ZNF586: variants seen among roughly 807,000 people sequenced by gnomAD.
ZNF586 encodes the protein zinc finger protein 586.
ZNF586 carries 7 observed loss-of-function variants against 6.7 expected under a neutral mutation model. The ratio of observed to expected loss-of-function variants is 1.04; its 90% CI spans 0.59 to 1.95. The LOEUF (loss-of-function observed/expected upper bound fraction) is 1.95, where lower values mean the gene tolerates loss of function less well. Among genes scored for constraint, ZNF586 ranks in the 30% most tolerant of loss-of-function variants. The pLI is 0.00. For synonymous variants in ZNF586, 166 were observed against 168.7 expected (o/e 0.98, Z 0.12); for missense variants, 442 against 489.6 (o/e 0.90, Z 0.92).
intron 1 of ZNF586, among the ~76,000 whole-genome samples, chr19:57,773,743 C>T (rs1211961744): frequency 6.6e-6 from 1 of 152,190 alleles, no homozygotes; most frequent in Non-Finnish European, 1.5e-5. Context: ...CAGGCTGGAG[C>T]TTGTGTTTAT....
chr19:57,776,562 A>T lies in ZNF586; in HGVS notation c.56A>T (p.Asp19Val). Reference protein sequence around the residue: ...APAQSSVTFEDVAVNFSLEEW... With the variant: ...APAQSSVTFEVVAVNFSLEEW... ...TAACAGAGCAGTGTGACCTTTGAAG[A>T]TGTGGCTGTAAACTTTTCCCTGGAG... The change falls in exon 2 of 3, where the codon GAT (aspartate) becomes GTT (valine). Residue 19 changes from aspartate (D) to valine (V), a missense_variant. Physicochemically the swap from Asp to Val is radical, Grantham distance 152. Coordinates refer to ENST00000396154, the MANE Select transcript of ZNF586 (RefSeq NM_017652.4). 2 of 1,613,490 alleles carry T rather than the reference A, an allele frequency of 1.2e-6. No homozygotes were observed. The highest frequency in any genetic ancestry group is 1.7e-6 in the Non-Finnish European group (2 of 1,179,694).
In ZNF586 at chr19:57,780,087, T is replaced by A. The variant is rs1477847224; in HGVS notation, c.*291T>A. 7.7e-6 allele frequency: 3 copies of A among 391,390 alleles called. No homozygotes were observed. Among genetic ancestry groups the A allele is most frequent in the African/African-American group, 6.1e-5 (3 of 49,122 alleles). The allele number at this position is 391,390 out of a possible 1,614,324, so 24.2% of individuals were successfully genotyped here. On this transcript the variant is annotated 3_prime_UTR_variant, in exon 3 of 3. Coordinates refer to ENST00000396154, the MANE Select transcript of ZNF586 (RefSeq NM_017652.4). ...CAATATAACACTGGAGGAAACCCCT[T>A]ATGAGGATGCCATCTGCCTAAATTG...
chr19:57,774,704 C>A (rs999366932), intron 1 of ZNF586: 1 of 978,558 alleles, frequency 1.0e-6, no homozygotes, highest in African/African-American at 1.8e-5. Flanking sequence ...TTGGGGCTAC[C>A]ATTGCTATTG....
rs758042030 is a variant in ZNF586 at position 57,778,763 on chromosome 19, G to C, written c.176G>C (p.Gly59Ala). The C allele has an allele frequency of 5.6e-6, 9 of 1,604,518 alleles. No individual in the cohort carries two copies. Among genetic ancestry groups the C allele is most frequent in the South Asian group, 5.6e-5 (5 of 89,758 alleles). ...TLISSLGCWH[G>A]GEDEAAPSKQ... ...TCTTTGCTTTTAGGTTGTTGGCATGGAGGGGAAGATGAGGCAGCACCTTCT... is the reference window on the plus strand; with the variant it reads ...TCTTTGCTTTTAGGTTGTTGGCATGCAGGGGAAGATGAGGCAGCACCTTCT... Residue 59 changes from glycine (G) to alanine (A), a missense_variant, in exon 3 of 3, where the codon GGA becomes GCA. By Grantham distance (60) the Gly-to-Ala change is moderately conservative. Coordinates refer to ENST00000396154, the MANE Select transcript of ZNF586 (RefSeq NM_017652.4).
intron 2 of ZNF586, among the ~76,000 whole-genome samples, chr19:57,777,499 T>A (rs567824113): frequency 5.3e-5 from 8 of 152,290 alleles, no homozygotes; most frequent in African/African-American, 1.9e-4. Flanking sequence ...AATTATGCCA[T>A]AGACCTCTTC....
intron 1 of ZNF586, among the ~76,000 whole-genome samples, chr19:57,771,974 G>A (rs1205614462): frequency 2.0e-5 from 3 of 152,076 alleles, no homozygotes; most frequent in South Asian, 2.1e-4. Context: ...ACAGGCGCGC[G>A]CCTCCACACC....
chr19:57,776,517 G>T lies in ZNF586; in HGVS notation c.37-26G>T, dbSNP rs1403699601. The T allele has an allele frequency of 8.1e-6, 13 of 1,600,726 alleles. No homozygotes were observed. The East Asian group carries it at 2.9e-4, about 36-fold the overall frequency. On this transcript the variant is annotated intron_variant, in intron 1 of 2. Transcript: ENST00000396154. The stretch of plus-strand genomic sequence containing the variant: ...GGTCTTCAGCATAGGGGCCATTTGT[G>T]GTTTCATCTATCCCCATCATAACAG...
chr19:57,774,688 A>G, intron 1 of ZNF586: 1 of 948,810 alleles, frequency 1.1e-6, no homozygotes, highest in Non-Finnish European at 1.3e-6. Context: ...AGGGCGTCAG[A>G]ATGATTTGGG....
chr19:57,779,372 A>G lies in ZNF586; in HGVS notation c.785A>G (p.Tyr262Cys). ...AGAGTTCACACAGGAGAAAGGCCTT[A>G]TGAATGCGTTGAGTGTGGAAAATCA... ...HLRVHTGERP[Y>C]ECVECGKSFR... Residue 262 changes from tyrosine (Y) to cysteine (C), a missense_variant, in exon 3 of 3, where the codon TAT becomes TGT. By Grantham distance (194) the Tyr-to-Cys change is radical. Transcript: ENST00000396154. The G allele has an allele frequency of 1.9e-6, 3 of 1,613,264 alleles. No individual in the cohort carries two copies. Among genetic ancestry groups the G allele is most frequent in the Non-Finnish European group, 2.5e-6 (3 of 1,179,884 alleles).
At chr19:57,770,841 C>G (rs1267397705) in intron 1 of ZNF586, among the ~76,000 whole-genome samples, 2 of 151,998 alleles carry the variant, frequency 1.3e-5, no homozygotes, top group Non-Finnish European at 2.9e-5. Context: ...TCCCACATGT[C>G]TAGATCTTGG....
In ZNF586 at chr19:57,779,426, A is replaced by G; in HGVS notation, c.839A>G (p.His280Arg). Residue 280 changes from histidine to arginine, a missense_variant, in exon 3 of 3, where the codon CAT becomes CGT. His to Arg is a conservative substitution (Grantham distance 29). Transcript: ENST00000396154. ...SFRRSSSLLQ[H>R]QRVHTRERPY... ...CGCCGAAGCTCTTCACTCTTGCAGC[A>G]TCAGAGAGTTCACACTAGAGAAAGG... The G allele has an allele frequency of 6.2e-7, 1 of 1,613,602 alleles. No homozygotes were observed. Among genetic ancestry groups the G allele is most frequent in the Non-Finnish European group, 8.5e-7 (1 of 1,179,916 alleles).
In ZNF586 at chr19:57,779,579, GC is replaced by G; in HGVS notation, c.994del (p.Ile333LeufsTer4). On this transcript the variant is annotated frameshift_variant, in exon 3 of 3. Transcript: ENST00000396154. LOFTEE classifies it low-confidence loss of function (END_TRUNC). ...QCGKSFSRKS[S>X]LIIHLRVHTG... The stretch of plus-strand genomic sequence containing the variant: ...GGGAAATCCTTTAGCCGAAAATCTA[GC>G]CTTATTATACATCTGAGAGTTCACA... 1 of 1,613,124 alleles carries G rather than the reference GC, an allele frequency of 6.2e-7. No individual in the cohort carries two copies. Among genetic ancestry groups the G allele is most frequent in the Non-Finnish European group, 8.5e-7 (1 of 1,179,874 alleles).
At position 57,780,439 on chromosome 19, in the gene ZNF586, A is replaced by T. The variant is rs1987359367; in HGVS notation, c.*643A>T. 6.6e-6 allele frequency: 1 copy of T among 152,176 alleles called. No homozygotes were observed. Among genetic ancestry groups the T allele is most frequent in the Admixed American group, 6.5e-5 (1 of 15,276 alleles). The allele number at this position is 152,176 out of a possible 1,614,324, so 9.4% of individuals were successfully genotyped here. A position where few individuals can be genotyped will look rare whatever the true frequency, so the allele number is the denominator to read the frequency against. On this transcript the variant is annotated 3_prime_UTR_variant, in exon 3 of 3. Coordinates refer to ENST00000396154, the MANE Select transcript of ZNF586 (RefSeq NM_017652.4). ...GAGGACTCTTCTGATAACTTGAAAA[A>T]ATGGACTACCTTTTTCAGGGATCTT...
intron 1 of ZNF586, among the ~76,000 whole-genome samples, chr19:57,773,386 T>A (rs1236438722): frequency 1.4e-5 from 2 of 142,774 alleles, no homozygotes; most frequent in Non-Finnish European, 3.0e-5. Flanking sequence ...GGAGGATACA[T>A]CTGTTTCTTC....
intron 1 of ZNF586, among the ~76,000 whole-genome samples, chr19:57,776,026 T>A (rs1439028417): frequency 6.6e-6 from 1 of 152,158 alleles, no homozygotes. Context: ...GCGTCAGGTG[T>A]TGTGTTTGGC....
chr19:57,771,477 C>G (rs974024436), intron 1 of ZNF586, among the ~76,000 whole-genome samples: 1 of 152,102 alleles, frequency 6.6e-6, no homozygotes, highest in African/African-American at 2.4e-5. Flanking sequence ...GTCCTTCAAT[C>G]TGGGGATCTT....
At chr19:57,770,886 C>T (rs1232783481) in intron 1 of ZNF586, among the ~76,000 whole-genome samples, 1 of 151,914 alleles carries the variant, frequency 6.6e-6, no homozygotes, top group African/African-American at 2.4e-5. Context: ...GGTTCTCACT[C>T]AACACCCAGG....
In ZNF586 at chr19:57,779,936, C is replaced by T. The variant is rs941374556; in HGVS notation, c.*140C>T. 5.3e-6 allele frequency: 4 copies of T among 754,712 alleles called. No homozygotes were observed. Among genetic ancestry groups the T allele is most frequent in the African/African-American group, 1.8e-5 (1 of 56,856 alleles). 46.8% of individuals were successfully genotyped at this position (754,712 alleles called of 1,614,324 possible). ...GCTAGCTTCTTTACATAAAAGAGTGCTCCCACTGAAGAAGTGCCTTTTGAG... is the reference window on the plus strand; with the variant it reads ...GCTAGCTTCTTTACATAAAAGAGTGTTCCCACTGAAGAAGTGCCTTTTGAG... On this transcript the variant is annotated 3_prime_UTR_variant, in exon 3 of 3. Transcript: ENST00000396154.
chr19:57,770,157 C>CTTTTT (rs56139513), intron 1 of ZNF586, among the ~76,000 whole-genome samples: 27 of 128,192 alleles, frequency 2.1e-4, no homozygotes, highest in South Asian at 4.7e-4. Flanking sequence ...GGAGTTATTT[C>CTTTTT]TTTTTTTTTT....
Sources: gnomAD v4.1 joint callset for allele counts (sites outside exome capture counted in the v4.1 genomes callset) on GRCh38, gnomAD v4.1.1 for gene constraint, MANE v1.5 for transcripts, NCBI Gene and HGNC (gene_info 2026-07-23, HGNC 2026-07-21) for gene names.